The following AFAP1 variants were observed in gnomAD, a reference collection of about 807,000 sequenced individuals.
The protein encoded by AFAP1 is actin filament-associated protein 1.
Under a neutral mutation model 93.9 loss-of-function variants are expected in AFAP1, and 75 were observed. The observed-to-expected ratio is 0.80, with a 90% confidence interval of 0.66 to 0.97. AFAP1 has a LOEUF of 0.97. AFAP1 is among the 50% of genes least tolerant of loss of function. The pLI is 0.00. For missense variants in AFAP1, 1,201 were observed against 1,050.8 expected (o/e 1.14, Z -1.98); for synonymous variants, 517 against 430.7 (o/e 1.20, Z -2.48).
Position 7,827,810 on chromosome 4 carries a change from G to A in AFAP1, c.727-8639C>T, listed in dbSNP as rs567089954. 4.5e-4 allele frequency among the ~76,000 whole-genome samples: 69 copies of A among 152,122 alleles called. No individual in the cohort carries two copies. In the East Asian group the frequency reaches 0.01, roughly 23 times the overall value. ...AGGCGGGAAAGGACACTCCACACCC[G>A]GAGGACCAATGGGCACAAAGGGCGG... On this transcript the variant is annotated intron_variant, in intron 6 of 17. Coordinates refer to ENST00000420658, the MANE Select transcript of AFAP1 (RefSeq NM_001134647.2).
intron 1 of AFAP1, among the ~76,000 whole-genome samples, chr4:7,897,730 G>C (rs1015031593): frequency 1.3e-5 from 2 of 152,032 alleles, no homozygotes; most frequent in Admixed American, 1.3e-4. Context: ...CACCATGTTG[G>C]CCAGGCTGGT....
At chr4:7,767,519 C>CA (rs752469160) in intron 17 of AFAP1, among the ~76,000 whole-genome samples, 3 of 152,208 alleles carry the variant, frequency 2.0e-5, no homozygotes, top group Non-Finnish European at 4.4e-5. Flanking sequence ...GCTCAGTGGT[C>CA]ACCAGCTGAG....
intron 1 of AFAP1, among the ~76,000 whole-genome samples, chr4:7,892,673 G>T (rs1056508024): frequency 6.6e-6 from 1 of 152,160 alleles, no homozygotes; most frequent in African/African-American, 2.4e-5. Context: ...GGAGACAGCA[G>T]CTTCCAGGGT....
chr4:7,900,072 T>C (rs928570775), intron 1 of AFAP1, among the ~76,000 whole-genome samples: 3 of 152,196 alleles, frequency 2.0e-5, no homozygotes, highest in African/African-American at 7.2e-5. Context: ...ACATCCAACA[T>C]GTATTTGGCT....
intron 3 of AFAP1, chr4:7,862,116 T>G (rs1053028216): frequency 5.9e-5 from 9 of 152,128 alleles, no homozygotes; most frequent in African/African-American, 2.2e-4. Context: ...GAGAATCACT[T>G]AAGCCCAGGA....
chr4:7,862,161 C>G (rs184317467), intron 3 of AFAP1: 1 of 152,036 alleles, frequency 6.6e-6, no homozygotes, highest in Non-Finnish European at 1.5e-5. Context: ...GGAAAAACCC[C>G]GTCTCCACAA....
chr4:7,861,537 A>C (rs1715684667), intron 3 of AFAP1, among the ~76,000 whole-genome samples: 2 of 152,234 alleles, frequency 1.3e-5, no homozygotes, highest in Non-Finnish European at 2.9e-5. Context: ...AACACTGGGA[A>C]GATTGTCTCA....
intron 1 of AFAP1, among the ~76,000 whole-genome samples, chr4:7,911,970 G>T (rs556698376): frequency 6.6e-6 from 1 of 152,180 alleles, no homozygotes; most frequent in Non-Finnish European, 1.5e-5. Context: ...AGAGTTATTA[G>T]GTGGCTCTTA....
chr4:7,799,462 G>A (rs1718813625), intron 10 of AFAP1, among the ~76,000 whole-genome samples: 1 of 152,182 alleles, frequency 6.6e-6, no homozygotes, highest in Non-Finnish European at 1.5e-5. Flanking sequence ...TCTCTCCTCT[G>A]CCGATGAGTG....
chr4:7,871,550 C>G (rs538366770), intron 2 of AFAP1, among the ~76,000 whole-genome samples: 1 of 152,192 alleles, frequency 6.6e-6, no homozygotes, highest in Non-Finnish European at 1.5e-5. Flanking sequence ...AGCACACAGA[C>G]GCTGGCATAT....
chr4:7,922,662 C>A (rs1026004348), intron 1 of AFAP1, among the ~76,000 whole-genome samples: 1 of 152,126 alleles, frequency 6.6e-6, no homozygotes, highest in South Asian at 2.1e-4. Context: ...AATGCCAAGC[C>A]GGGGAACCTG....
chr4:7,879,182 C>T (rs964958778), intron 1 of AFAP1, among the ~76,000 whole-genome samples: 1 of 152,186 alleles, frequency 6.6e-6, no homozygotes, highest in Non-Finnish European at 1.5e-5. Flanking sequence ...TCACCTCTCC[C>T]GTCTGCACAG....
intron 5 of AFAP1, 133 bp from the exon 6 acceptor site, chr4:7,838,836 A>T (rs980860194): frequency 1.9e-3 from 533 of 278,508 alleles, no homozygotes; most frequent in Non-Finnish European, 2.8e-3. Flanking sequence ...GAGCAGGTTC[A>T]CACACACACA....
intron 4 of AFAP1, among the ~76,000 whole-genome samples, chr4:7,849,705 C>T (rs915766816): frequency 1.2e-4 from 19 of 152,204 alleles, no homozygotes; most frequent in African/African-American, 4.1e-4. Context: ...CTCGATCCTT[C>T]CAGCTGCCCC....
At chr4:7,850,139 GAGAAATAT>G (rs1396200672) in intron 4 of AFAP1, among the ~76,000 whole-genome samples, 1 of 152,178 alleles carries the variant, frequency 6.6e-6, no homozygotes, top group African/African-American at 2.4e-5. Context: ...TCTCACTCTA[GAGAAATAT>G]AGTAAGTCAT....
chr4:7,807,594 G>C (rs903503236), intron 9 of AFAP1, among the ~76,000 whole-genome samples: 1 of 152,194 alleles, frequency 6.6e-6, no homozygotes, highest in Admixed American at 6.5e-5. Flanking sequence ...AACGCACCAG[G>C]CTCCTCGGTT....
intron 11 of AFAP1, among the ~76,000 whole-genome samples, chr4:7,787,080 AGG>A (rs1273663389): frequency 6.6e-6 from 1 of 152,266 alleles, no homozygotes; most frequent in Non-Finnish European, 1.5e-5. Flanking sequence ...GTTCCTGGTC[AGG>A]GCTCCTAAAA....
At chr4:7,924,420 G>A (rs957080605) in intron 1 of AFAP1, among the ~76,000 whole-genome samples, 10 of 152,148 alleles carry the variant, frequency 6.6e-5, no homozygotes, top group South Asian at 4.1e-4. Context: ...ATGAGCCAGC[G>A]GTGGATCAAA....
chr4:7,909,274 T>C (rs535701385), intron 1 of AFAP1, among the ~76,000 whole-genome samples: 34 of 152,292 alleles, frequency 2.2e-4, no homozygotes, highest in Non-Finnish European at 3.5e-4. Flanking sequence ...GTCAGGTTTA[T>C]ATAAGTTTAA....
Sources: allele counts gnomAD v4.1 joint callset (sites outside exome capture counted in the v4.1 genomes callset), GRCh38; gene constraint gnomAD v4.1.1; transcripts MANE v1.5; gene names NCBI Gene and HGNC (gene_info 2026-07-23, HGNC 2026-07-21).